The following FBP2 variants were observed in gnomAD, a reference collection of about 807,000 sequenced individuals.
FBP2 encodes the protein fructose-1,6-bisphosphatase isozyme 2.
In FBP2, 27 loss-of-function variants were observed where a neutral mutation model predicts 31.6. The observed-to-expected ratio is 0.85, with a 90% CI of 0.63 to 1.18. FBP2 has a LOEUF of 1.18. FBP2 is among the 50% of genes most tolerant of loss of function. FBP2 has a pLI of 0.00. For missense variants in FBP2, 421 were observed against 436.1 expected, an observed-to-expected ratio of 0.97 and a Z score of 0.31; for synonymous variants, 168 against 179.8, an observed-to-expected ratio of 0.93 and a Z score of 0.53.
At position 94,560,421 on chromosome 9, in the gene FBP2, C is replaced by T. The variant is rs145180108; in HGVS notation, c.826-1289G>A. 3.4e-3 allele frequency among the ~76,000 whole-genome samples: 525 copies of T among 152,276 alleles called. 7 individuals carry two copies. Among genetic ancestry groups the T allele is most frequent in the African/African-American group, 0.011 (448 of 41,558 alleles). ...GTCATGACGCCCCCAGCCTGACTCACAACACACACCCCCATCACCTTAGAT... is the reference window on the plus strand; with the variant it reads ...GTCATGACGCCCCCAGCCTGACTCATAACACACACCCCCATCACCTTAGAT... On this transcript the variant is annotated intron_variant, in intron 6 of 6. Coordinates refer to ENST00000375337, the MANE Select transcript of FBP2 (RefSeq NM_003837.4).
chr9:94,593,508 G>A (rs376760370), intron 1 of FBP2, 49 bp downstream of exon 1: 7 of 1,549,830 alleles, frequency 4.5e-6, no homozygotes, highest in Non-Finnish European at 6.1e-6. Flanking sequence ...CCACACCCCT[G>A]CCTGGGCCTG....
intron 1 of FBP2, among the ~76,000 whole-genome samples, chr9:94,591,864 G>A (rs2131463453): frequency 6.6e-6 from 1 of 152,286 alleles, no homozygotes; most frequent in African/African-American, 2.4e-5. Context: ...GGTAGGAAAT[G>A]CCAAATTAAT....
chr9:94,562,284 TG>T (rs1827119895), intron 6 of FBP2, among the ~76,000 whole-genome samples: 2 of 126,208 alleles, frequency 1.6e-5, no homozygotes, highest in African/African-American at 6.3e-5. Flanking sequence ...CACTCCAGCC[TG>T]GGCGACAGAG....
At chr9:94,564,589 T>G (rs1827158554) in intron 5 of FBP2, among the ~76,000 whole-genome samples, 1 of 152,100 alleles carries the variant, frequency 6.6e-6, no homozygotes, top group Non-Finnish European at 1.5e-5. Context: ...ATGTTCTCAC[T>G]TATAAGTAGG....
intron 2 of FBP2, among the ~76,000 whole-genome samples, chr9:94,586,231 G>A (rs190579908): frequency 2.2e-4 from 34 of 151,952 alleles, no homozygotes; most frequent in African/African-American, 7.7e-4. Context: ...AAAAATTAGC[G>A]GGGCATGGTG....
At chr9:94,584,549 G>A in intron 3 of FBP2, 28 bp downstream of exon 3, 1 of 1,371,498 alleles carries the variant, frequency 7.3e-7, no homozygotes, top group South Asian at 1.2e-5. Flanking sequence ...ACAGGAAGGA[G>A]GTGTAAAATG....
chr9:94,593,466 G>T, intron 1 of FBP2, 91 bp downstream of exon 1: 1 of 1,272,528 alleles, frequency 7.9e-7, no homozygotes, highest in South Asian at 1.6e-5. Context: ...ATAAGCTTTG[G>T]ACCCAGTTTC....
chr9:94,585,261 ATT>A (rs200872218), intron 2 of FBP2, among the ~76,000 whole-genome samples: 109 of 151,870 alleles, frequency 7.2e-4, no homozygotes, highest in African/African-American at 2.6e-3. Context: ...TAATAATCCA[ATT>A]TTTTAAAAAA....
chr9:94,570,201 G>C (rs1473886247), intron 4 of FBP2: 2 of 152,180 alleles, frequency 1.3e-5, no homozygotes. Flanking sequence ...CTTTGAATTG[G>C]GTCCCTGAGT....
chr9:94,566,205 C>T (rs993616991), intron 5 of FBP2, among the ~76,000 whole-genome samples: 1 of 152,228 alleles, frequency 6.6e-6, no homozygotes. Flanking sequence ...ACAGGCCCCC[C>T]AAAACCTGGC....
intron 5 of FBP2, among the ~76,000 whole-genome samples, chr9:94,565,985 C>G (rs1406512070): frequency 2.0e-5 from 3 of 152,118 alleles, no homozygotes; most frequent in Admixed American, 6.5e-5. Flanking sequence ...TGAGAGTGTT[C>G]TGAGAAAGCC....
At chr9:94,571,227 C>T (rs990423644) in intron 4 of FBP2, among the ~76,000 whole-genome samples, 3 of 152,082 alleles carry the variant, frequency 2.0e-5, no homozygotes, top group Non-Finnish European at 4.4e-5. Flanking sequence ...AAGGAGAGGG[C>T]CTGAGTTGAT....
intron 3 of FBP2, among the ~76,000 whole-genome samples, chr9:94,582,371 T>C (rs1378383783): frequency 6.6e-6 from 1 of 151,820 alleles, no homozygotes; most frequent in African/African-American, 2.4e-5. Flanking sequence ...TGTGTGTGTG[T>C]GTGTGTGTGT....
chr9:94,565,736 TGATA>T (rs34525238), intron 5 of FBP2, among the ~76,000 whole-genome samples: 92,400 of 150,142 alleles, frequency 0.62, 28,465 homozygotes, highest in Admixed American at 0.73. Flanking sequence ...GGTAGATAGA[TGATA>T]GATAGATAGA....
chr9:94,566,607 C>T (rs1225263778), intron 5 of FBP2, among the ~76,000 whole-genome samples: 2 of 152,242 alleles, frequency 1.3e-5, no homozygotes, highest in East Asian at 1.9e-4. Flanking sequence ...TCCCACTTCA[C>T]ACCTCTATAT....
chr9:94,559,870 G>T (rs112059209), intron 6 of FBP2, among the ~76,000 whole-genome samples: 2,355 of 152,272 alleles, frequency 0.015, 32 homozygotes, highest in Middle Eastern at 0.034. Flanking sequence ...GCTCCGGCCT[G>T]TAATCCCAGG....
intron 4 of FBP2, chr9:94,567,622 G>A: frequency 3.9e-6 from 2 of 518,094 alleles, no homozygotes; most frequent in Non-Finnish European, 3.4e-6. Flanking sequence ...CAGTAACACA[G>A]CAAGCAGGAA....
At chr9:94,584,486 G>C in intron 3 of FBP2, 91 bp downstream of exon 3, 1 of 817,536 alleles carries the variant, frequency 1.2e-6, no homozygotes, top group Middle Eastern at 2.2e-4. Context: ...GGAAGACAAA[G>C]GGTAGGACTC....
In FBP2 at chr9:94,571,595, T is replaced by C. The variant is rs1827270734; in HGVS notation, c.434A>G (p.Glu145Gly). The C allele has an allele frequency of 6.2e-7, 1 of 1,612,030 alleles. No homozygotes were observed. Among genetic ancestry groups the C allele is most frequent in the African/African-American group, 1.3e-5 (1 of 74,898 alleles). Residue 145 changes from glutamate (E) to glycine (G), a missense_variant, in exon 4 of 7, where the codon GAG becomes GGG. Transcript: ENST00000375337. The part of the protein sequence containing the change: ...TIFAIYRKTS[E>G]DEPSEKDALQ... ...GGCATCCTTTTCAGAAGGCTCATCC[T>C]CTGAGGTCTGTGGAAGAGAGGGATA...
Sources: gnomAD v4.1 joint callset for allele counts (sites outside exome capture counted in the v4.1 genomes callset) on GRCh38, gnomAD v4.1.1 for gene constraint, MANE v1.5 for transcripts, NCBI Gene and HGNC (gene_info 2026-07-23, HGNC 2026-07-21) for gene names.